Variants in NATD1 observed in about 807,000 individuals in gnomAD.
The protein encoded by NATD1 is protein NATD1.
NATD1 carries 9 observed loss-of-function variants against 12.0 expected under a neutral mutation model. That is an observed-to-expected ratio of 0.75 (90% confidence interval 0.45 to 1.30). NATD1 has a LOEUF of 1.30. Ranked by LOEUF, NATD1 falls within the 50% of genes most tolerant of loss-of-function variation. The pLI is 0.00. For missense variants in NATD1, 148 were observed against 148.5 expected (o/e 1.00, Z 0.02); for synonymous variants, 71 against 65.9 (o/e 1.08, Z -0.37).
At chr17:21,250,602 T>TG (rs1171837741) in intron 1 of NATD1, among the ~76,000 whole-genome samples, 1 of 152,222 alleles carries the variant, frequency 6.6e-6, no homozygotes, top group African/African-American at 2.4e-5. Context: ...GGTGCAAGAC[T>TG]TTGGGCAAGT....
intron 1 of NATD1, among the ~76,000 whole-genome samples, chr17:21,246,187 C>G (rs1436733135): frequency 3.3e-5 from 5 of 152,130 alleles, no homozygotes; most frequent in African/African-American, 1.2e-4. Flanking sequence ...ATCTTACGTA[C>G]TGATGAAGAC....
chr17:21,250,413 C>T (rs1208281539), intron 1 of NATD1, among the ~76,000 whole-genome samples: 1 of 152,212 alleles, frequency 6.6e-6, no homozygotes, highest in Non-Finnish European at 1.5e-5. Context: ...CCCTCTGCCC[C>T]CTGCACCTCT....
chr17:21,243,567 T>G (rs762232989), intron 2 of NATD1, 138 bp from the exon 3 acceptor site: 106 of 639,970 alleles, frequency 1.7e-4, no homozygotes, highest in Non-Finnish European at 2.7e-4. Flanking sequence ...TGAGTTTCAG[T>G]GTCACCTGGG....
chr17:21,249,213 T>A lies in NATD1; in HGVS notation c.106+3946A>T, dbSNP rs369652308. The stretch of plus-strand genomic sequence containing the variant: ...TGACCCCGCAAGGAGAGCTGGCAGA[T>A]CAAAACGCGAATATACAGATGAGGA... On this transcript the variant is annotated intron_variant, in intron 1 of 2. Coordinates refer to ENST00000611551, the MANE Select transcript of NATD1 (RefSeq NM_152914.3). Among the ~76,000 whole-genome samples, 215 of 152,064 alleles carry A rather than the reference T, an allele frequency of 1.4e-3. 4 individuals carry two copies. The South Asian group carries it at 0.044, about 31-fold the overall frequency.
chr17:21,252,883 G>A (rs1026164317), intron 1 of NATD1, among the ~76,000 whole-genome samples: 3 of 151,892 alleles, frequency 2.0e-5, no homozygotes, highest in Non-Finnish European at 4.4e-5. Flanking sequence ...GTCCGCCCTG[G>A]CCCCTGCTCT....
rs1975287382 is a variant in NATD1, at chr17:21,242,718, T to TA, written c.*594dup. ...TGTGTTCACATGTGTGAACCGCACG[T>TA]ACGGTTGAGCCTGGCCAGTGCTCAG... is the stretch of plus-strand genomic sequence containing the variant. On this transcript the variant is annotated 3_prime_UTR_variant, in exon 3 of 3. Coordinates refer to ENST00000611551, the MANE Select transcript of NATD1 (RefSeq NM_152914.3). The TA allele has an allele frequency of 6.6e-6, 1 of 152,602 alleles. No homozygotes were observed. Among genetic ancestry groups the TA allele is most frequent in the Non-Finnish European group, 1.5e-5 (1 of 68,336 alleles). The allele number at this position is 152,602 out of a possible 1,614,324, so 9.5% of individuals were successfully genotyped here.
At position 21,242,560 on chromosome 17, in the gene NATD1, G is replaced by C. The variant is rs892177053; in HGVS notation, c.*753C>G. 1 of 152,292 alleles carries C rather than the reference G, an allele frequency of 6.6e-6. No homozygotes were observed. The highest frequency in any genetic ancestry group is 1.5e-5 in the Non-Finnish European group (1 of 68,120). 9.4% of individuals were successfully genotyped at this position (152,292 alleles called of 1,614,324 possible). A position where few individuals can be genotyped will look rare whatever the true frequency, so the allele number is the denominator to read the frequency against. On this transcript the variant is annotated 3_prime_UTR_variant, in exon 3 of 3. Transcript: ENST00000611551. ...CCTCCTGGCAGACAGGGGTATAGGG[G>C]ATAGCAGCCCATGGGGATGGGGCCT...
rs189202234 is a variant in NATD1, at chr17:21,242,924, T to G, written c.*389A>C. The G allele has an allele frequency of 2.4e-4, 41 of 168,306 alleles. No individual in the cohort carries two copies. The East Asian group carries it at 6.1e-3, about 25-fold the overall frequency. The allele number at this position is 168,306 out of a possible 1,614,324, so 10.4% of individuals were successfully genotyped here. ...CTCTTGGCTCTGGAGCACACCTTCTTAATTTCCAGAAAGGACACAGGCCCA... is the reference window on the plus strand; with the variant it reads ...CTCTTGGCTCTGGAGCACACCTTCTGAATTTCCAGAAAGGACACAGGCCCA... On this transcript the variant is annotated 3_prime_UTR_variant, in exon 3 of 3. Coordinates refer to ENST00000611551, the MANE Select transcript of NATD1 (RefSeq NM_152914.3).
chr17:21,243,453 G>C, intron 2 of NATD1, 24 bp from the exon 3 acceptor site: 1 of 1,589,102 alleles, frequency 6.3e-7, no homozygotes, highest in Non-Finnish European at 8.6e-7. Flanking sequence ...AGAGAGGAGA[G>C]TGGTCAGGGC....
At chr17:21,247,142 C>A (rs766032664) in intron 1 of NATD1, among the ~76,000 whole-genome samples, 3 of 152,236 alleles carry the variant, frequency 2.0e-5, no homozygotes, top group African/African-American at 7.2e-5. Flanking sequence ...GGACCTGACC[C>A]TGGGAGTCCT....
Position 21,244,615 on chromosome 17 carries a change from G to A in NATD1, c.107-391C>T, listed in dbSNP as rs1462252829. On this transcript the variant is annotated intron_variant, in intron 1 of 2. Transcript: ENST00000611551. The surrounding 1 kb of genome is among the most constrained non-coding windows in gnomAD (Gnocchi z 5.2). The stretch of plus-strand genomic sequence containing the variant: ...AGAACCCAGCACTGGACACAGAACA[G>A]GGCTCAGCAAATCTGCAACTAAGGC... Among the ~76,000 whole-genome samples the A allele has an allele frequency of 3.3e-5, 5 of 152,130 alleles. No homozygotes were observed. The highest frequency in any genetic ancestry group is 6.6e-5 in the Admixed American group (1 of 15,260).
Position 21,242,670 on chromosome 17 carries a change from GC to G in NATD1, c.*642del, listed in dbSNP as rs1975286531. 6.5e-6 allele frequency: 1 copy of G among 152,866 alleles called. No individual in the cohort carries two copies. The highest frequency in any genetic ancestry group is 2.4e-5 in the African/African-American group (1 of 41,468). 9.5% of individuals were successfully genotyped at this position (152,866 alleles called of 1,614,324 possible). The stretch of plus-strand genomic sequence containing the variant: ...AAAACACCCCCGGCACCCACCACCA[GC>G]CCGCCTGTAGACTGCATCCTGTGTG... On this transcript the variant is annotated 3_prime_UTR_variant, in exon 3 of 3. Transcript: ENST00000611551.
At position 21,243,360 on chromosome 17, in the gene NATD1, C is replaced by T. The variant is rs948792379; in HGVS notation, c.295G>A (p.Val99Ile). 1.5e-5 allele frequency: 24 copies of T among 1,613,334 alleles called. No individual in the cohort carries two copies. Among genetic ancestry groups the T allele is most frequent in the African/African-American group, 9.3e-5 (7 of 74,932 alleles). Residue 99 changes from valine to isoleucine, a missense_variant, in exon 3 of 3, where the codon GTC becomes ATC. Coordinates refer to ENST00000611551, the MANE Select transcript of NATD1 (RefSeq NM_152914.3). ...HLTCWYIQKYVKENPLPQYLE... is the reference protein window; with the variant it reads ...HLTCWYIQKYIKENPLPQYLE... The stretch of plus-strand genomic sequence containing the variant: ...TACTGCGGCAGGGGGTTCTCCTTGA[C>T]GTACTTCTGGATGTACCAGCAGGTG...
chr17:21,247,022 C>G (rs151256149), intron 1 of NATD1, among the ~76,000 whole-genome samples: 145 of 152,316 alleles, frequency 9.5e-4, no homozygotes, highest in African/African-American at 3.4e-3. Context: ...TTTGCTCCAG[C>G]AGTCTCTGCA....
chr17:21,253,148 G>C lies in NATD1; in HGVS notation c.106+11C>G. On this transcript the variant is annotated intron_variant, in intron 1 of 2. Coordinates refer to ENST00000611551, the MANE Select transcript of NATD1 (RefSeq NM_152914.3). ...CAGACAAAAGGTCGGGGCGGGCCGG[G>C]GCCGCCTTACCGTTGAGCCGGACAG... The C allele has an allele frequency of 9.8e-7, 1 of 1,018,150 alleles. No individual in the cohort carries two copies. Among genetic ancestry groups the C allele is most frequent in the African/African-American group, 1.7e-5 (1 of 57,466 alleles). The allele number at this position is 1,018,150 out of a possible 1,614,324, so 63.1% of individuals were successfully genotyped here.
At chr17:21,249,297 A>C (rs776562340) in intron 1 of NATD1, among the ~76,000 whole-genome samples, 1 of 152,234 alleles carries the variant, frequency 6.6e-6, no homozygotes, top group Non-Finnish European at 1.5e-5. Flanking sequence ...GACAAGGACA[A>C]GCAGACACCC....
rs7948 is a variant in NATD1, at chr17:21,239,264, G to A, written c.*4049C>T. The A allele has an allele frequency of 0.14, 21,504 of 152,180 alleles. 1,577 individuals are homozygous for A. Among genetic ancestry groups the A allele is most frequent in the South Asian group, 0.21 (1,008 of 4,818 alleles). 9.4% of individuals were successfully genotyped at this position (152,180 alleles called of 1,614,324 possible). ...CCCCCGCAGCCTTGCAGCTGAGTGG[G>A]AAGTTGCTGGAAGTTGTATCTGTTT... On this transcript the variant is annotated 3_prime_UTR_variant, in exon 3 of 3. Transcript: ENST00000611551.
rs555405193 is a variant in NATD1, at chr17:21,240,267, A to T, written c.*3046T>A. 2.6e-5 allele frequency: 4 copies of T among 152,380 alleles called. No homozygotes were observed. Among genetic ancestry groups the T allele is most frequent in the South Asian group, 4.1e-4 (2 of 4,828 alleles). 9.4% of individuals were successfully genotyped at this position (152,380 alleles called of 1,614,324 possible). ...CTGAAGTCACTGTTATCCTGCAGGGAGACCTCAGCCAAGCCCCAGTGACAC... is the reference window on the plus strand; with the variant it reads ...CTGAAGTCACTGTTATCCTGCAGGGTGACCTCAGCCAAGCCCCAGTGACAC... On this transcript the variant is annotated 3_prime_UTR_variant, in exon 3 of 3. Transcript: ENST00000611551.
At chr17:21,245,400 C>G (rs10888211) in intron 1 of NATD1, among the ~76,000 whole-genome samples, 95,804 of 152,082 alleles carry the variant, frequency 0.63, 31,993 homozygotes, top group Non-Finnish European at 0.74. Flanking sequence ...ACTTCAAAGC[C>G]CCAGAAAATC....
Sources: allele counts gnomAD v4.1 joint callset (sites outside exome capture counted in the v4.1 genomes callset), GRCh38; gene constraint gnomAD v4.1.1; non-coding constraint Gnocchi (gnomAD v3.1); transcripts MANE v1.5; gene names NCBI Gene and HGNC (gene_info 2026-07-23, HGNC 2026-07-21).